Variants in UNC13C observed in about 807,000 individuals in gnomAD.
UNC13C encodes the protein protein unc-13 homolog C.
In UNC13C, 174 loss-of-function variants were observed where a neutral mutation model predicts 245.4. The ratio of observed to expected loss-of-function variants is 0.71; its 90% CI spans 0.63 to 0.80. UNC13C has a LOEUF of 0.80. UNC13C is among the 30% of genes least tolerant of loss of function. The pLI is 0.00. For synonymous variants in UNC13C, 992 were observed against 895.1 expected (o/e 1.11, Z -1.93); for missense variants, 2,829 against 2,602.9 (o/e 1.09, Z -1.89).
At chr15:54,407,614 C>T (rs1166647427) in intron 18 of UNC13C, among the ~76,000 whole-genome samples, 1 of 152,160 alleles carries the variant, frequency 6.6e-6, no homozygotes, top group South Asian at 2.1e-4. Context: ...TAGGTAATAG[C>T]ACAACCAAAA....
At chr15:54,570,146 A>G (rs964471089) in intron 30 of UNC13C, among the ~76,000 whole-genome samples, 3 of 151,888 alleles carry the variant, frequency 2.0e-5, no homozygotes, top group African/African-American at 4.8e-5. Flanking sequence ...GTTTCTGGGG[A>G]CCCTCCTATC....
chr15:54,309,147 C>T (rs1465426504), intron 13 of UNC13C, among the ~76,000 whole-genome samples: 2 of 151,748 alleles, frequency 1.3e-5, no homozygotes, highest in Admixed American at 6.6e-5. Context: ...CTGTTTGCTC[C>T]ACCTCCTTGC....
chr15:54,561,670 C>T (rs1281531464), intron 29 of UNC13C, among the ~76,000 whole-genome samples: 1 of 151,894 alleles, frequency 6.6e-6, no homozygotes, highest in Non-Finnish European at 1.5e-5. Flanking sequence ...TACAGAGGTC[C>T]TTTTGTGCCC....
the UNC13C span, among the ~76,000 whole-genome samples, chr15:53,963,368 C>G: frequency 1.3e-5 from 2 of 152,178 alleles, no homozygotes; most frequent in Non-Finnish European, 2.9e-5. Flanking sequence ...ATTCATTAAG[C>G]TTTGAAATAA....
chr15:53,907,774 T>C, the UNC13C span, among the ~76,000 whole-genome samples: 7 of 114,666 alleles, frequency 6.1e-5, 1 homozygote, highest in Admixed American at 1.9e-4. Context: ...TCTATCTATC[T>C]TCATTGCTAC....
At chr15:54,555,534 A>G (rs1396824536) in intron 29 of UNC13C, 22 bp downstream of exon 29, 1 of 1,585,522 alleles carries the variant, frequency 6.3e-7, no homozygotes, top group Non-Finnish European at 8.6e-7. Context: ...ATGCTCCTAT[A>G]TATACATCGA....
At chr15:54,167,807 A>G (rs1279377456) in intron 4 of UNC13C, among the ~76,000 whole-genome samples, 1 of 152,134 alleles carries the variant, frequency 6.6e-6, no homozygotes, top group Non-Finnish European at 1.5e-5. Flanking sequence ...CCAATAAATT[A>G]TGGACCAAAG....
the UNC13C span, among the ~76,000 whole-genome samples, chr15:53,875,618 T>C: frequency 1.3e-5 from 2 of 152,172 alleles, no homozygotes; most frequent in African/African-American, 4.8e-5. Context: ...ATGATGTATC[T>C]GATAGTGATG....
At chr15:54,237,909 T>C (rs2035746939) in intron 7 of UNC13C, among the ~76,000 whole-genome samples, 1 of 152,142 alleles carries the variant, frequency 6.6e-6, no homozygotes, top group Admixed American at 6.5e-5. Context: ...TCTTTACAAA[T>C]GCTGTTCAAT....
At chr15:54,430,428 T>C (rs918497293) in intron 19 of UNC13C, among the ~76,000 whole-genome samples, 1 of 151,754 alleles carries the variant, frequency 6.6e-6, no homozygotes, top group Non-Finnish European at 1.5e-5. Flanking sequence ...TCTTTCGTAT[T>C]GAATTTTGCC....
At chr15:53,942,444 G>T in the UNC13C span, among the ~76,000 whole-genome samples, 1 of 151,904 alleles carries the variant, frequency 6.6e-6, no homozygotes, top group Non-Finnish European at 1.5e-5. Context: ...ACAGCTAATG[G>T]ATGCTGGGCT....
chr15:54,387,411 T>C (rs79513279), intron 17 of UNC13C, among the ~76,000 whole-genome samples: 7,635 of 152,310 alleles, frequency 0.05, 250 homozygotes, highest in Middle Eastern at 0.095. Context: ...GTCATGGTGC[T>C]ACTGGGAGTG....
the UNC13C span, among the ~76,000 whole-genome samples, chr15:53,874,188 C>T: frequency 6.6e-6 from 1 of 152,010 alleles, no homozygotes; most frequent in African/African-American, 2.4e-5. Flanking sequence ...GTTGTCCAGG[C>T]TGTGGCATGT....
intron 2 of UNC13C, among the ~76,000 whole-genome samples, chr15:54,122,669 A>T (rs2030754380): frequency 6.6e-6 from 1 of 151,950 alleles, no homozygotes; most frequent in Non-Finnish European, 1.5e-5. Context: ...TGCTGATCTG[A>T]TTTTCATCAA....
chr15:54,550,286 A>G (rs1404758366), intron 28 of UNC13C, among the ~76,000 whole-genome samples: 1 of 152,136 alleles, frequency 6.6e-6, no homozygotes, highest in East Asian at 1.9e-4. Flanking sequence ...GCTTCCTACT[A>G]TGTGACATGG....
At chr15:53,876,524 T>C in the UNC13C span, among the ~76,000 whole-genome samples, 2 of 151,936 alleles carry the variant, frequency 1.3e-5, no homozygotes, top group East Asian at 3.9e-4. Flanking sequence ...GATCAGTTTC[T>C]TCCCTCTAAA....
Position 54,014,991 on chromosome 15 carries a change from A to T in UNC13C, c.2088A>T (p.Glu696Asp). 1 of 1,613,710 alleles carries T rather than the reference A, an allele frequency of 6.2e-7. No individual in the cohort carries two copies. The highest frequency in any genetic ancestry group is 8.5e-7 in the Non-Finnish European group (1 of 1,179,830). Residue 696 changes from glutamate (E) to aspartate (D), a missense_variant, in exon 2 of 33, where the codon GAA becomes GAT. Transcript: ENST00000260323. ...TTGATGTTTACAATAAAGACCTAGA[A>T]TACTTGGGAAAGTGCCACAGTGATC... ...QQLDVYNKDL[E>D]YLGKCHSDLQ...
chr15:54,553,150 A>T (rs1212523693), intron 28 of UNC13C, among the ~76,000 whole-genome samples: 1 of 110,842 alleles, frequency 9.0e-6, no homozygotes, highest in Non-Finnish European at 1.7e-5. Flanking sequence ...TCTATATTAC[A>T]ATATATATTA....
rs939076650 is a variant in UNC13C, at chr15:54,269,218, C to T, written c.3818+3722C>T. On this transcript the variant is annotated intron_variant, in intron 10 of 32. Coordinates refer to ENST00000260323, the MANE Select transcript of UNC13C (RefSeq NM_001080534.3). ...TCACTTTCTTTCTTTCTTTGTTTTT[C>T]TCTCTCTCAGGGATCACTGTTCATC... is the stretch of plus-strand genomic sequence containing the variant. Among the ~76,000 whole-genome samples the T allele has an allele frequency of 2.6e-5, 4 of 152,024 alleles. No individual in the cohort carries two copies. The East Asian group carries it at 7.7e-4, about 29-fold the overall frequency.
Sources: gnomAD v4.1 joint callset for allele counts (sites outside exome capture counted in the v4.1 genomes callset) on GRCh38, gnomAD v4.1.1 for gene constraint, MANE v1.5 for transcripts, NCBI Gene and HGNC (gene_info 2026-07-23, HGNC 2026-07-21) for gene names.